The following CCDC149 variants were observed in gnomAD, a reference collection of about 807,000 sequenced individuals.
The protein encoded by CCDC149 is coiled-coil domain-containing protein 149.
A neutral mutation model predicts 59.9 loss-of-function variants in CCDC149; 45 were observed. That is an observed-to-expected ratio of 0.75 (90% CI 0.59 to 0.96). The LOEUF (loss-of-function observed/expected upper bound fraction) is 0.96, where lower values mean the gene tolerates loss of function less well. Among genes scored for constraint, CCDC149 ranks in the 40% least tolerant of loss-of-function variants. The pLI, the probability that CCDC149 is intolerant of heterozygous loss-of-function variation, is 0.00. For synonymous variants in CCDC149, 245 were observed against 260.6 expected, an observed-to-expected ratio of 0.94 and a Z score of 0.58; for missense variants, 584 against 664.7, an observed-to-expected ratio of 0.88 and a Z score of 1.33.
chr4:24,908,961 C>G (rs1322318001), intron 1 of CCDC149, among the ~76,000 whole-genome samples: 1 of 152,182 alleles, frequency 6.6e-6, no homozygotes, highest in African/African-American at 2.4e-5. Flanking sequence ...TGAGATGTCT[C>G]CAATCTTGAA....
At chr4:24,945,290 T>C (rs114996974) in intron 1 of CCDC149, among the ~76,000 whole-genome samples, 2,181 of 152,254 alleles carry the variant, frequency 0.014, 49 homozygotes, top group African/African-American at 0.049. Context: ...CTGGTGAAGA[T>C]GAGGTCACAC....
chr4:24,878,177 G>A (rs1283113423), intron 1 of CCDC149, among the ~76,000 whole-genome samples: 6 of 115,866 alleles, frequency 5.2e-5, no homozygotes, highest in African/African-American at 1.5e-4. Flanking sequence ...ATGAAAGGGA[G>A]AAAAAGAGAG....
At chr4:24,827,151 CAG>C (rs754236689) in intron 9 of CCDC149, 4 of 152,134 alleles carry the variant, frequency 2.6e-5, no homozygotes, top group Non-Finnish European at 2.9e-5. Flanking sequence ...TCTGTGAAGA[CAG>C]AACTCACACA....
intron 1 of CCDC149, among the ~76,000 whole-genome samples, chr4:24,898,281 A>G (rs1330844267): frequency 6.6e-6 from 1 of 152,196 alleles, no homozygotes; most frequent in African/African-American, 2.4e-5. Flanking sequence ...ATCTTAACCG[A>G]GAGACACAGG....
intron 9 of CCDC149, 48 bp from the exon 10 acceptor site, chr4:24,822,621 GC>G: frequency 2.2e-6 from 3 of 1,374,026 alleles, no homozygotes; most frequent in South Asian, 1.4e-5. Flanking sequence ...CATCCTGTCA[GC>G]CCCCAGCCCT....
Position 24,912,911 on chromosome 4 carries a change from T to A in CCDC149, c.-32A>T. On this transcript the variant is annotated 5_prime_UTR_variant, in exon 1 of 13. Coordinates refer to ENST00000635206, the MANE Select transcript of CCDC149 (RefSeq NM_001330643.2). ...GCCGGCCTCCTGGACCCCCGCCGCC[T>A]CCTCCTCCTCGCGACGTCGCGTCGC... is the stretch of plus-strand genomic sequence containing the variant. The A allele has an allele frequency of 8.1e-7, 1 of 1,230,774 alleles. No homozygotes were observed. Among genetic ancestry groups the A allele is most frequent in the South Asian group, 1.8e-5 (1 of 56,104 alleles). 76.2% of individuals were successfully genotyped at this position (1,230,774 alleles called of 1,614,324 possible). A position where few individuals can be genotyped will look rare whatever the true frequency, so the allele number is the denominator to read the frequency against.
chr4:24,951,724 A>C (rs534947821), intron 1 of CCDC149, among the ~76,000 whole-genome samples: 1 of 152,316 alleles, frequency 6.6e-6, no homozygotes, highest in Non-Finnish European at 1.5e-5. Flanking sequence ...TATACCTCAC[A>C]GTGTTATTAG....
chr4:24,836,326 G>A, intron 7 of CCDC149, 110 bp downstream of exon 7: 1 of 747,026 alleles, frequency 1.3e-6, no homozygotes, highest in Non-Finnish European at 2.4e-6. Flanking sequence ...CTCTATCTGG[G>A]AGGGCAGGCA....
intron 2 of CCDC149, among the ~76,000 whole-genome samples, chr4:24,874,807 G>C (rs1228877417): frequency 6.6e-6 from 1 of 152,154 alleles, no homozygotes; most frequent in African/African-American, 2.4e-5. Context: ...GTCAGTAATA[G>C]TGTCCCACTT....
intron 12 of CCDC149, among the ~76,000 whole-genome samples, chr4:24,811,040 A>C (rs939129214): frequency 2.0e-5 from 3 of 152,214 alleles, no homozygotes; most frequent in African/African-American, 7.2e-5. Context: ...TTTACTTGCC[A>C]AGTTGCGAGA....
At chr4:24,933,500 T>C (rs1174218506) in intron 1 of CCDC149, among the ~76,000 whole-genome samples, 2 of 152,350 alleles carry the variant, frequency 1.3e-5, no homozygotes, top group South Asian at 4.1e-4. Flanking sequence ...TATAATTTTT[T>C]GTGGAAAGTT....
chr4:24,859,192 G>A (rs996479246), intron 3 of CCDC149, among the ~76,000 whole-genome samples: 2 of 152,094 alleles, frequency 1.3e-5, no homozygotes, highest in Admixed American at 6.5e-5. Flanking sequence ...GTTTCAGTAC[G>A]GTATGGAATA....
At chr4:24,936,965 C>T (rs543571371) in intron 1 of CCDC149, among the ~76,000 whole-genome samples, 52 of 152,234 alleles carry the variant, frequency 3.4e-4, no homozygotes, top group Admixed American at 7.2e-4. Flanking sequence ...GCCTGGTTTC[C>T]GAGGTAATTT....
chr4:24,943,067 C>CAAA (rs1447998200), intron 1 of CCDC149, among the ~76,000 whole-genome samples: 25 of 151,370 alleles, frequency 1.7e-4, no homozygotes, highest in Non-Finnish European at 3.1e-4. Context: ...CATATGGAAC[C>CAAA]AAAAAAGAGC....
chr4:24,908,571 G>A (rs1433952454), intron 1 of CCDC149, among the ~76,000 whole-genome samples: 4 of 151,704 alleles, frequency 2.6e-5, no homozygotes, highest in Admixed American at 2.0e-4. Context: ...ATGGTGGCAC[G>A]TGCCTGTAAC....
At chr4:24,944,320 G>C (rs1723040282) in intron 1 of CCDC149, among the ~76,000 whole-genome samples, 1 of 150,714 alleles carries the variant, frequency 6.6e-6, no homozygotes, top group Non-Finnish European at 1.5e-5. Flanking sequence ...AACACCGCAT[G>C]TTCTCACTTA....
rs536532532 is a variant in CCDC149, at chr4:24,938,554, A to AG, written c.-65+41514dup. On this transcript the variant is annotated intron_variant, in intron 1 of 12. Coordinates refer to the CCDC149 transcript ENST00000389609. ...CTGGGGAGCGCAGTGGGTGCAGGAC[A>AG]GGGGGTGCAGTGCACTGGGCGTGAG... Among the ~76,000 whole-genome samples, 305 of 152,306 alleles carry AG rather than the reference A, an allele frequency of 2.0e-3. 4 individuals are homozygous for AG. Among genetic ancestry groups the AG allele is most frequent in the Non-Finnish European group, 1.6e-4 (11 of 68,018 alleles).
chr4:24,972,445 C>A (rs1723999821), intron 1 of CCDC149, among the ~76,000 whole-genome samples: 1 of 152,046 alleles, frequency 6.6e-6, no homozygotes. Context: ...GTAGCTGGGA[C>A]TACAGGCACG....
chr4:24,808,885 G>A, intron 12 of CCDC149, 66 bp from the exon 13 acceptor site: 1 of 1,394,914 alleles, frequency 7.2e-7, no homozygotes, highest in South Asian at 1.5e-5. Context: ...CCCCTCTTCT[G>A]CCAACCTCCT....
Sources: gnomAD v4.1 joint callset for allele counts (sites outside exome capture counted in the v4.1 genomes callset) on GRCh38, gnomAD v4.1.1 for gene constraint, MANE v1.5 for transcripts, NCBI Gene and HGNC (gene_info 2026-07-23, HGNC 2026-07-21) for gene names.